Variants in TCF4 observed in about 807,000 individuals in gnomAD.
TCF4 encodes the protein SL3-3 enhancer factor 2.
Under a neutral mutation model 82.1 loss-of-function variants are expected in TCF4, and 3 were observed. The ratio of observed to expected loss-of-function variants is 0.04; its 90% CI spans 0.02 to 0.09. The LOEUF (loss-of-function observed/expected upper bound fraction) is 0.09, where lower values mean the gene tolerates loss of function less well. TCF4 is among the 10% of genes least tolerant of loss of function. The pLI is 1.00. For missense variants in TCF4, 518 were observed against 852.7 expected (o/e 0.61, Z 4.89); for synonymous variants, 276 against 309.6 (o/e 0.89, Z 1.14).
chr18:55,573,308 A>C (rs987541250), intron 3 of TCF4, among the ~76,000 whole-genome samples: 5 of 151,994 alleles, frequency 3.3e-5, no homozygotes, highest in Admixed American at 3.3e-4. Context: ...CAAAAAAAAA[A>C]AAAAAAACAA....
At chr18:55,356,578 A>G (rs990211716) in intron 6 of TCF4, among the ~76,000 whole-genome samples, 10 of 152,200 alleles carry the variant, frequency 6.6e-5, no homozygotes, top group African/African-American at 2.4e-4. Flanking sequence ...ATATACAAAA[A>G]TAAGAAATGT....
chr18:55,518,593 G>C (rs2096905197), intron 3 of TCF4, among the ~76,000 whole-genome samples: 1 of 152,134 alleles, frequency 6.6e-6, no homozygotes, highest in Non-Finnish European at 1.5e-5. Flanking sequence ...TGTTTTAATT[G>C]CTTTTGATCA....
chr18:55,397,862 C>T (rs993726529), intron 6 of TCF4, among the ~76,000 whole-genome samples: 1 of 152,088 alleles, frequency 6.6e-6, no homozygotes, highest in African/African-American at 2.4e-5. Context: ...TATTCTTATA[C>T]ATATTATACA....
At chr18:55,237,342 T>C (rs1051121357) in intron 15 of TCF4, among the ~76,000 whole-genome samples, 1 of 152,318 alleles carries the variant, frequency 6.6e-6, no homozygotes, top group East Asian at 1.9e-4. Flanking sequence ...GATATAGTTG[T>C]TCCAACTACA....
chr18:55,396,706 TACA>T (rs2093515069), intron 6 of TCF4, among the ~76,000 whole-genome samples: 1 of 152,208 alleles, frequency 6.6e-6, no homozygotes, highest in Admixed American at 6.5e-5. Flanking sequence ...TCCCTCCTCT[TACA>T]ATTAAAGCCT....
chr18:55,307,719 G>A (rs1163493595), intron 8 of TCF4, among the ~76,000 whole-genome samples: 3 of 152,162 alleles, frequency 2.0e-5, no homozygotes, highest in African/African-American at 7.2e-5. Context: ...AGAGTGCACA[G>A]CACACAAATG....
At chr18:55,232,408 T>C in intron 17 of TCF4, 101 bp downstream of exon 17, 8 of 1,406,246 alleles carry the variant, frequency 5.7e-6, no homozygotes, top group South Asian at 2.4e-5. Context: ...AGCTGTAAAT[T>C]TACCTGCCAG....
At chr18:55,478,851 A>T (rs926868863) in intron 3 of TCF4, among the ~76,000 whole-genome samples, 13 of 107,534 alleles carry the variant, frequency 1.2e-4, no homozygotes, top group African/African-American at 4.1e-4. Flanking sequence ...TTTTAAAATT[A>T]AAAATGTTCA....
intron 3 of TCF4, among the ~76,000 whole-genome samples, chr18:55,525,749 G>A (rs997732134): frequency 2.6e-5 from 4 of 151,434 alleles, no homozygotes; most frequent in East Asian, 2.0e-4. Flanking sequence ...AAATGACGCC[G>A]ATTTACACAG....
chr18:55,248,878 G>A (rs910839260), intron 15 of TCF4, among the ~76,000 whole-genome samples: 2 of 152,146 alleles, frequency 1.3e-5, no homozygotes, highest in Non-Finnish European at 2.9e-5. Flanking sequence ...CTGAGTAGCT[G>A]GGATTACAGG....
intron 5 of TCF4, among the ~76,000 whole-genome samples, chr18:55,458,810 C>A (rs1174685461): frequency 6.6e-6 from 1 of 152,146 alleles, no homozygotes; most frequent in African/African-American, 2.4e-5. Context: ...GTATTTCATA[C>A]TTGTTTCAAT....
intron 6 of TCF4, among the ~76,000 whole-genome samples, chr18:55,354,287 C>T (rs2082958957): frequency 6.6e-6 from 1 of 152,166 alleles, no homozygotes; most frequent in South Asian, 2.1e-4. Context: ...CCATTCAAAT[C>T]CCCAAATACA....
intron 6 of TCF4, among the ~76,000 whole-genome samples, chr18:55,376,567 T>C (rs1027097273): frequency 4.6e-5 from 7 of 152,192 alleles, no homozygotes; most frequent in Admixed American, 6.5e-5. Context: ...AACCTAAGTA[T>C]GCAAAGAGGA....
intron 8 of TCF4, among the ~76,000 whole-genome samples, chr18:55,297,472 GCTC>G (rs2066883382): frequency 7.0e-6 from 1 of 143,224 alleles, no homozygotes; most frequent in African/African-American, 2.7e-5. Flanking sequence ...TGGTGAGCTA[GCTC>G]TTCACACACT....
chr18:55,270,155 G>T (rs73488965), intron 10 of TCF4, among the ~76,000 whole-genome samples, 192 bp from the exon 11 acceptor site: 1 of 152,078 alleles, frequency 6.6e-6, no homozygotes, highest in African/African-American at 2.4e-5. Flanking sequence ...CAGAAACATA[G>T]CTTGGGTTTG....
At chr18:55,514,403 ATG>A (rs1278156956) in intron 3 of TCF4, among the ~76,000 whole-genome samples, 2 of 99,166 alleles carry the variant, frequency 2.0e-5, no homozygotes, top group Non-Finnish European at 3.9e-5. Flanking sequence ...ACATCTATCC[ATG>A]CACACACACA....
chr18:55,373,042 GA>G (rs2089753108), intron 6 of TCF4, among the ~76,000 whole-genome samples: 1 of 151,628 alleles, frequency 6.6e-6, no homozygotes, highest in Non-Finnish European at 1.5e-5. Flanking sequence ...TCAAGCCAAG[GA>G]AAAAAAGAAA....
At chr18:55,594,811 C>T (rs762335213) in intron 2 of TCF4, among the ~76,000 whole-genome samples, 17 of 152,134 alleles carry the variant, frequency 1.1e-4, no homozygotes, top group Non-Finnish European at 1.9e-4. Context: ...CTGACGCAGC[C>T]GCATATGGCA....
intron 3 of TCF4, among the ~76,000 whole-genome samples, chr18:55,562,113 T>G (rs1179232764): frequency 1.3e-5 from 2 of 152,194 alleles, no homozygotes; most frequent in African/African-American, 4.8e-5. Flanking sequence ...ATTGGTTTCT[T>G]TGCTGTCTAT....
Sources: gnomAD v4.1 joint callset for allele counts (sites outside exome capture counted in the v4.1 genomes callset) on GRCh38, gnomAD v4.1.1 for gene constraint, MANE v1.5 for transcripts, NCBI Gene and HGNC (gene_info 2026-07-23, HGNC 2026-07-21) for gene names.